The following ARPP21 variants were observed in gnomAD, a reference collection of about 807,000 sequenced individuals.
ARPP21 encodes the protein cAMP regulated phosphoprotein 21, also known as cAMP-regulated phosphoprotein 21.
In ARPP21, 69 loss-of-function variants were observed where a neutral mutation model predicts 113.2. The ratio of observed to expected loss-of-function variants is 0.61; its 90% CI spans 0.50 to 0.74. The LOEUF is 0.74. ARPP21 is among the 30% of genes least tolerant of loss of function. ARPP21 has a pLI of 0.00. For synonymous variants in ARPP21, 368 were observed against 375.5 expected (o/e 0.98, Z 0.23); for missense variants, 1,070 against 1,037.4 (o/e 1.03, Z -0.43).
chr3:35,770,742 G>A (rs1169360115), intron 19 of ARPP21, among the ~76,000 whole-genome samples: 1 of 152,172 alleles, frequency 6.6e-6, no homozygotes, highest in Admixed American at 6.5e-5. Flanking sequence ...ACAGTAGCCT[G>A]CTGAATGTAT....
intron 19 of ARPP21, among the ~76,000 whole-genome samples, chr3:35,763,811 A>T (rs1375864179): frequency 6.6e-6 from 1 of 152,136 alleles, no homozygotes; most frequent in Admixed American, 6.6e-5. Flanking sequence ...TATTTGTAGA[A>T]CTATTCAGAA....
intron 1 of ARPP21, among the ~76,000 whole-genome samples, chr3:35,677,821 C>G (rs113301684): frequency 1.3e-5 from 2 of 151,778 alleles, no homozygotes; most frequent in Non-Finnish European, 2.9e-5. Context: ...TGGAAGAGTC[C>G]GGTTAGTCTG....
At position 35,700,879 on chromosome 3, in the gene ARPP21, A is replaced by G. The variant is rs115906117; in HGVS notation, c.687-6095A>G. Among the ~76,000 whole-genome samples the G allele has an allele frequency of 6.3e-3, 949 of 151,618 alleles. 15 individuals carry two copies. Among genetic ancestry groups the G allele is most frequent in the African/African-American group, 0.022 (894 of 41,444 alleles). ...TTCAGTTCTAGGGTACATGTCGGGC[A>G]GTGGGGGGCTGGGGGAGGAATAGCA... is the stretch of plus-strand genomic sequence containing the variant. On this transcript the variant is annotated intron_variant, in intron 9 of 20. Transcript: ENST00000684406.
At chr3:35,766,807 A>T (rs2095996303) in intron 19 of ARPP21, among the ~76,000 whole-genome samples, 1 of 152,024 alleles carries the variant, frequency 6.6e-6, no homozygotes, top group African/African-American at 2.4e-5. Context: ...CTTAAAATAC[A>T]ATTAAGAAGC....
chr3:35,711,215 C>A (rs1451277008), intron 11 of ARPP21, among the ~76,000 whole-genome samples: 2 of 152,102 alleles, frequency 1.3e-5, no homozygotes, highest in African/African-American at 4.8e-5. Flanking sequence ...TATCCTAGGG[C>A]AGCGTTTTAA....
intron 1 of ARPP21, among the ~76,000 whole-genome samples, chr3:35,677,523 T>C (rs1054077445): frequency 1.3e-5 from 2 of 151,964 alleles, no homozygotes; most frequent in Non-Finnish European, 2.9e-5. Context: ...TTTACAGCAT[T>C]GTTGATTAAT....
intron 19 of ARPP21, among the ~76,000 whole-genome samples, chr3:35,751,064 A>G (rs1246388989): frequency 2.0e-5 from 3 of 152,322 alleles, no homozygotes; most frequent in South Asian, 2.1e-4. Flanking sequence ...AGGAGGGTCT[A>G]TATTCTTGAA....
rs939360793 is a variant in ARPP21, at chr3:35,769,540, C to T, written c.2138-22842C>T. On this transcript the variant is annotated intron_variant, in intron 19 of 20. Coordinates refer to ENST00000684406, the MANE Select transcript of ARPP21 (RefSeq NM_001385562.1). ...CCGCTTTGCTTTAAGTCTGTCAAAACACTGCTTCATTTAAAAATTATTTAA... is the reference window on the plus strand; with the variant it reads ...CCGCTTTGCTTTAAGTCTGTCAAAATACTGCTTCATTTAAAAATTATTTAA... 2.6e-5 allele frequency among the ~76,000 whole-genome samples: 4 copies of T among 152,180 alleles called. No individual in the cohort carries two copies. The South Asian group carries it at 6.2e-4, about 24-fold the overall frequency.
chr3:35,742,453 C>T (rs530723928), intron 18 of ARPP21, among the ~76,000 whole-genome samples: 3 of 152,214 alleles, frequency 2.0e-5, no homozygotes, highest in Admixed American at 1.3e-4. Flanking sequence ...GTAGTAAGAG[C>T]GAATCACTAT....
chr3:35,676,731 G>T (rs911486061), intron 1 of ARPP21, among the ~76,000 whole-genome samples: 15 of 151,984 alleles, frequency 9.9e-5, no homozygotes, highest in African/African-American at 3.6e-4. Context: ...ATTAGTATGT[G>T]CATTCTATTC....
At chr3:35,739,291 C>T (rs376249054) in intron 17 of ARPP21, 26 bp from the exon 18 acceptor site, 42 of 1,605,114 alleles carry the variant, frequency 2.6e-5, no homozygotes, top group Admixed American at 5.0e-5. Flanking sequence ...CCTGTGAATT[C>T]CCTCATTTAT....
chr3:35,761,727 T>C (rs2095786305), intron 19 of ARPP21, among the ~76,000 whole-genome samples: 1 of 152,130 alleles, frequency 6.6e-6, no homozygotes, highest in Non-Finnish European at 1.5e-5. Context: ...ATATGGAGAC[T>C]AGAAGGATTA....
intron 19 of ARPP21, among the ~76,000 whole-genome samples, chr3:35,745,979 G>A (rs2095022840): frequency 6.6e-6 from 1 of 152,166 alleles, no homozygotes; most frequent in Non-Finnish European, 1.5e-5. Flanking sequence ...AAATATAGAA[G>A]CAAGGCAGTG....
intron 1 of ARPP21, among the ~76,000 whole-genome samples, chr3:35,654,847 G>A (rs972055858): frequency 2.0e-5 from 3 of 151,962 alleles, no homozygotes; most frequent in South Asian, 2.1e-4. Flanking sequence ...ATTTGTCAAA[G>A]GTAGTGACTT....
intron 19 of ARPP21, among the ~76,000 whole-genome samples, chr3:35,788,549 C>T (rs896637164): frequency 1.4e-4 from 22 of 152,110 alleles, no homozygotes; most frequent in Admixed American, 9.8e-4. Context: ...TTCAGTATAC[C>T]GCCTTCCCTG....
At chr3:35,680,978 A>C (rs994827185) in intron 2 of ARPP21, 2 of 151,782 alleles carry the variant, frequency 1.3e-5, no homozygotes, top group African/African-American at 4.8e-5. Context: ...GTGTCTATAG[A>C]CTATTGTGAG....
intron 1 of ARPP21, among the ~76,000 whole-genome samples, chr3:35,654,422 C>A (rs1180488782): frequency 6.6e-6 from 1 of 151,962 alleles, no homozygotes; most frequent in African/African-American, 2.4e-5. Flanking sequence ...TGTCTTCTGC[C>A]CCATGGGGGA....
In ARPP21 at chr3:35,737,170, C is replaced by T. The variant is rs1469667841; in HGVS notation, c.1460-8C>T. ...GCTTACCTGGACTAAGTTCTGATTCCATTGCAGGCCAGCCCTTTGTGAATC... is the reference window on the plus strand; with the variant it reads ...GCTTACCTGGACTAAGTTCTGATTCTATTGCAGGCCAGCCCTTTGTGAATC... On this transcript the variant is annotated splice_region_variant and splice_polypyrimidine_tract_variant and intron_variant, in intron 15 of 20. Transcript: ENST00000684406. 1 of 1,579,714 alleles carries T rather than the reference C, an allele frequency of 6.3e-7. No individual in the cohort carries two copies. The highest frequency in any genetic ancestry group is 2.3e-5 in the East Asian group (1 of 44,414).
chr3:35,694,697 T>G (rs888909280), intron 9 of ARPP21, among the ~76,000 whole-genome samples: 1 of 151,040 alleles, frequency 6.6e-6, no homozygotes, highest in African/African-American at 2.4e-5. Context: ...GAAGAGTCCC[T>G]GGATTGGCTA....
Sources: gnomAD v4.1 joint callset for allele counts (sites outside exome capture counted in the v4.1 genomes callset) on GRCh38, gnomAD v4.1.1 for gene constraint, MANE v1.5 for transcripts, NCBI Gene and HGNC (gene_info 2026-07-23, HGNC 2026-07-21) for gene names.